ETV6: variants seen among roughly 807,000 people sequenced by gnomAD.
ETV6 encodes the protein ETS variant transcription factor 6.
In ETV6, 16 loss-of-function variants were observed where a neutral mutation model predicts 51.1. The observed-to-expected ratio is 0.31, with a 90% CI of 0.21 to 0.48. The LOEUF is 0.48. ETV6 is among the 20% of genes least tolerant of loss of function. The pLI, the probability that ETV6 is intolerant of heterozygous loss-of-function variation, is 0.99. For synonymous variants in ETV6, 240 were observed against 224.1 expected, an observed-to-expected ratio of 1.07 and a Z score of -0.64; for missense variants, 458 against 594.8, an observed-to-expected ratio of 0.77 and a Z score of 2.39.
In ETV6 at chr12:11,766,172, G is replaced by A. The variant is rs535689213; in HGVS notation, c.163+13593G>A. ...CAGCAGCAGCAGAAAGCCAAGGGGTGTTTTCAGGACTCAGCTGCCAAAGTT... is the reference window on the plus strand; with the variant it reads ...CAGCAGCAGCAGAAAGCCAAGGGGTATTTTCAGGACTCAGCTGCCAAAGTT... On this transcript the variant is annotated intron_variant, in intron 2 of 7. Transcript: ENST00000396373. Among the ~76,000 whole-genome samples the A allele has an allele frequency of 4.6e-5, 7 of 152,288 alleles. No homozygotes were observed. The South Asian group carries it at 1.5e-3, about 32-fold the overall frequency.
intron 2 of ETV6, among the ~76,000 whole-genome samples, chr12:11,768,420 C>A (rs1446468998): frequency 2.0e-5 from 3 of 152,136 alleles, no homozygotes; most frequent in Non-Finnish European, 2.9e-5. Context: ...CATACAGAAA[C>A]TAGGGCTTAG....
intron 1 of ETV6, among the ~76,000 whole-genome samples, chr12:11,695,255 T>G (rs1429906759): frequency 6.6e-6 from 1 of 151,946 alleles, no homozygotes; most frequent in African/African-American, 2.4e-5. Context: ...GATTTGAGAG[T>G]TAAATAAGAA....
chr12:11,749,293 AC>A (rs1281342661), intron 1 of ETV6, among the ~76,000 whole-genome samples: 1 of 10,132 alleles, frequency 9.9e-5, no homozygotes, highest in African/African-American at 2.9e-4. Context: ...CCCCATACAC[AC>A]ACACACACAC....
At chr12:11,737,040 G>A (rs1267736419) in intron 1 of ETV6, among the ~76,000 whole-genome samples, 1 of 152,146 alleles carries the variant, frequency 6.6e-6, no homozygotes. Flanking sequence ...TGTGTGGGAG[G>A]GCCTGGGGCT....
At chr12:11,851,494 T>A (rs919348275) in intron 3 of ETV6, among the ~76,000 whole-genome samples, 1 of 152,186 alleles carries the variant, frequency 6.6e-6, no homozygotes, top group African/African-American at 2.4e-5. Context: ...ATCAGAGACA[T>A]CACCATGACT....
chr12:11,730,312 C>G (rs1170983685), intron 1 of ETV6, among the ~76,000 whole-genome samples: 1 of 152,188 alleles, frequency 6.6e-6, no homozygotes, highest in Admixed American at 6.5e-5. Flanking sequence ...GATAACTTTA[C>G]ATTTTAGAGG....
At chr12:11,777,239 CAA>C (rs5796465) in intron 2 of ETV6, among the ~76,000 whole-genome samples, 46 of 78,878 alleles carry the variant, frequency 5.8e-4, no homozygotes, top group African/African-American at 2.0e-3. Flanking sequence ...GACTCCGTGT[CAA>C]AAAAAAAAAA....
At chr12:11,678,769 G>A (rs1341654135) in intron 1 of ETV6, among the ~76,000 whole-genome samples, 1 of 152,218 alleles carries the variant, frequency 6.6e-6, no homozygotes, top group African/African-American at 2.4e-5. Flanking sequence ...AAAGGCCTGA[G>A]AACCAGGGGA....
At chr12:11,832,263 G>T (rs1287841276) in intron 2 of ETV6, among the ~76,000 whole-genome samples, 2 of 152,216 alleles carry the variant, frequency 1.3e-5, no homozygotes, top group Non-Finnish European at 2.9e-5. Context: ...TCTCTCCCAT[G>T]AAGGAGAATG....
At chr12:11,886,072 T>G (rs1591750655) in intron 7 of ETV6, 46 bp downstream of exon 7, 1 of 1,397,940 alleles carries the variant, frequency 7.2e-7, no homozygotes, top group African/African-American at 1.4e-5. Context: ...AGGATGCTGT[T>G]TTCTTTAAAT....
At chr12:11,729,902 G>C (rs1397553166) in intron 1 of ETV6, among the ~76,000 whole-genome samples, 1 of 152,092 alleles carries the variant, frequency 6.6e-6, no homozygotes. Flanking sequence ...AGCTGTCCTG[G>C]GTTTTATCCC....
At chr12:11,848,896 T>C (rs1357637769) in intron 3 of ETV6, among the ~76,000 whole-genome samples, 2 of 152,194 alleles carry the variant, frequency 1.3e-5, no homozygotes, top group African/African-American at 2.4e-5. Flanking sequence ...ATAGAAATAC[T>C]AGTTAGTACC....
At chr12:11,796,545 C>T (rs989614774) in intron 2 of ETV6, among the ~76,000 whole-genome samples, 1 of 152,128 alleles carries the variant, frequency 6.6e-6, no homozygotes. Context: ...GCCAGCCCTC[C>T]CAAGTGTTTA....
intron 2 of ETV6, among the ~76,000 whole-genome samples, chr12:11,764,171 T>A (rs942863503): frequency 1.3e-5 from 2 of 152,212 alleles, no homozygotes; most frequent in Non-Finnish European, 2.9e-5. Flanking sequence ...TAATGAAAAT[T>A]AGCTTATCAG....
At chr12:11,779,141 T>C (rs1945376872) in intron 2 of ETV6, among the ~76,000 whole-genome samples, 1 of 152,256 alleles carries the variant, frequency 6.6e-6, no homozygotes, top group South Asian at 2.1e-4. Flanking sequence ...TCTCTCTTTG[T>C]GGATGCACAC....
chr12:11,657,014 A>G (rs1424788448), intron 1 of ETV6, among the ~76,000 whole-genome samples: 2 of 151,706 alleles, frequency 1.3e-5, no homozygotes, highest in East Asian at 3.9e-4. Flanking sequence ...GCTTGACCCA[A>G]CTCGCCTGTT....
intron 1 of ETV6, among the ~76,000 whole-genome samples, chr12:11,660,467 T>C (rs1864080534): frequency 6.6e-6 from 1 of 151,806 alleles, no homozygotes; most frequent in South Asian, 2.1e-4. Context: ...GGTGTGGTGG[T>C]AGGTGCCTGT....
At chr12:11,795,066 T>C (rs1272110100) in intron 2 of ETV6, among the ~76,000 whole-genome samples, 1 of 152,248 alleles carries the variant, frequency 6.6e-6, no homozygotes, top group African/African-American at 2.4e-5. Flanking sequence ...TGTTCAGGGA[T>C]AGTCTAAGAG....
At chr12:11,712,688 T>G (rs1014415713) in intron 1 of ETV6, among the ~76,000 whole-genome samples, 1 of 152,136 alleles carries the variant, frequency 6.6e-6, no homozygotes, top group Non-Finnish European at 1.5e-5. Context: ...CTTCAACTGA[T>G]TGGTTGAGGC....
Sources: allele counts gnomAD v4.1 joint callset (sites outside exome capture counted in the v4.1 genomes callset), GRCh38; gene constraint gnomAD v4.1.1; transcripts MANE v1.5; gene names NCBI Gene and HGNC (gene_info 2026-07-23, HGNC 2026-07-21).